MTUS2: variants seen among roughly 807,000 people sequenced by gnomAD.
MTUS2 encodes the protein microtubule-associated tumor suppressor candidate 2.
A neutral mutation model predicts 114.1 loss-of-function variants in MTUS2; 40 were observed. The ratio of observed to expected loss-of-function variants is 0.35; its 90% CI spans 0.27 to 0.46. MTUS2 has a LOEUF of 0.46. Ranked by LOEUF, MTUS2 falls within the 20% of genes least tolerant of loss-of-function variation. MTUS2 has a pLI of 1.00. For synonymous variants in MTUS2, 688 were observed against 672.0 expected, an observed-to-expected ratio of 1.02 and a Z score of -0.37; for missense variants, 1,679 against 1,705.4, an observed-to-expected ratio of 0.98 and a Z score of 0.27.
chr13:28,941,505 A>G (rs906487237), intron 2 of MTUS2, among the ~76,000 whole-genome samples: 1 of 152,102 alleles, frequency 6.6e-6, no homozygotes, highest in African/African-American at 2.4e-5. Flanking sequence ...AAAATTTGCA[A>G]AATTTGTCTT....
intron 2 of MTUS2, among the ~76,000 whole-genome samples, chr13:28,950,200 T>C (rs1258291109): frequency 6.6e-6 from 1 of 152,226 alleles, no homozygotes; most frequent in Non-Finnish European, 1.5e-5. Context: ...AAATGATTAG[T>C]GCTGTTCACC....
In MTUS2 at chr13:29,322,865, G is replaced by T. The variant is rs79891532; in HGVS notation, c.2807-1748G>T. ...GGGACAGTGACAGCAGTATGGCTGT[G>T]AGGTCATCTAGGGCTACACTATCTG... On this transcript the variant is annotated intron_variant, in intron 6 of 15. Transcript: ENST00000612955. 9.6e-3 allele frequency among the ~76,000 whole-genome samples: 1,459 copies of T among 152,300 alleles called. 13 individuals are homozygous for T. Among genetic ancestry groups the T allele is most frequent in the Non-Finnish European group, 0.013 (909 of 68,022 alleles).
intron 5 of MTUS2, among the ~76,000 whole-genome samples, chr13:29,281,352 A>T (rs528751176): frequency 1.3e-5 from 2 of 152,226 alleles, no homozygotes; most frequent in East Asian, 3.9e-4. Context: ...AGTGTTTATT[A>T]TATACACATA....
intron 5 of MTUS2, among the ~76,000 whole-genome samples, chr13:29,103,489 T>C (rs187092221): frequency 3.9e-5 from 6 of 152,368 alleles, no homozygotes; most frequent in Non-Finnish European, 8.8e-5. Context: ...AAAAATGCTG[T>C]TCCTGTATAG....
intron 9 of MTUS2, among the ~76,000 whole-genome samples, chr13:29,449,406 T>A (rs1487275624): frequency 2.6e-5 from 4 of 152,172 alleles, no homozygotes; most frequent in African/African-American, 9.7e-5. Context: ...CCAAAAAAAT[T>A]ATCTTCTGGT....
In MTUS2 at chr13:28,907,036, A is replaced by C. The variant is rs922818862; in HGVS notation, c.-243+67186A>C. Among the ~76,000 whole-genome samples, 11 of 151,696 alleles carry C rather than the reference A, an allele frequency of 7.3e-5. 1 individual carries two copies. The highest frequency in any genetic ancestry group is 2.4e-4 in the African/African-American group (10 of 41,116). ...GGTTACCCACAAAGGGAAGCCCATC[A>C]GGCTAACAGCAGATCTCTCGGCAGA... On this transcript the variant is annotated intron_variant, in intron 2 of 15. Coordinates refer to ENST00000612955, the MANE Select transcript of MTUS2 (RefSeq NM_001033602.4).
chr13:29,012,179 C>T (rs1885872986), intron 2 of MTUS2, among the ~76,000 whole-genome samples: 1 of 152,208 alleles, frequency 6.6e-6, no homozygotes, highest in Admixed American at 6.5e-5. Context: ...CAAGGACGTG[C>T]AGCTCAAGCG....
chr13:28,899,478 C>T (rs369447013), intron 2 of MTUS2, among the ~76,000 whole-genome samples: 4 of 152,276 alleles, frequency 2.6e-5, no homozygotes, highest in Non-Finnish European at 2.9e-5. Context: ...GGCGTGATCT[C>T]GGCTCATTGC....
At chr13:29,006,650 G>A (rs1419731412) in intron 2 of MTUS2, among the ~76,000 whole-genome samples, 1 of 152,110 alleles carries the variant, frequency 6.6e-6, no homozygotes, top group African/African-American at 2.4e-5. Context: ...ATCCTGAGAG[G>A]CCTGACAATA....
chr13:29,307,302 G>A, intron 6 of MTUS2: 1 of 670,866 alleles, frequency 1.5e-6, no homozygotes, highest in East Asian at 2.7e-5. Flanking sequence ...AAGGACTCAT[G>A]ACCACAGTCC....
intron 7 of MTUS2, among the ~76,000 whole-genome samples, chr13:29,330,175 G>T (rs1157103047): frequency 6.6e-6 from 1 of 152,120 alleles, no homozygotes; most frequent in Non-Finnish European, 1.5e-5. Flanking sequence ...TTGTGATTTT[G>T]ATTTGCATTT....
At chr13:29,371,228 CCT>C (rs1456328694) in intron 8 of MTUS2, among the ~76,000 whole-genome samples, 9 of 147,832 alleles carry the variant, frequency 6.1e-5, no homozygotes, top group African/African-American at 1.8e-4. Context: ...ACCCCCCCCC[CCT>C]TTTTTGAGAT....
At chr13:28,887,487 C>T (rs1253353766) in intron 2 of MTUS2, among the ~76,000 whole-genome samples, 1 of 152,158 alleles carries the variant, frequency 6.6e-6, no homozygotes, top group East Asian at 1.9e-4. Context: ...AGCAGACATT[C>T]CATAAATGGT....
At chr13:29,462,201 C>T (rs192535470) in intron 9 of MTUS2, among the ~76,000 whole-genome samples, 384 of 152,302 alleles carry the variant, frequency 2.5e-3, no homozygotes, top group Non-Finnish European at 2.9e-3. Flanking sequence ...TGGGGATCCT[C>T]TTTTGAGAAC....
chr13:29,428,598 TCCC>T, intron 8 of MTUS2: 1 of 155,460 alleles, frequency 6.4e-6, no homozygotes, highest in Non-Finnish European at 1.4e-5. Flanking sequence ...CCTTCCTGGC[TCCC>T]GCCCGCCCTC....
chr13:29,163,973 A>G (rs192755644), intron 5 of MTUS2, among the ~76,000 whole-genome samples: 252 of 152,224 alleles, frequency 1.7e-3, no homozygotes, highest in Admixed American at 3.3e-3. Context: ...CTTTTGCTAA[A>G]CGTCGCTGAA....
intron 2 of MTUS2, among the ~76,000 whole-genome samples, chr13:28,987,759 G>T (rs957776102): frequency 3.6e-5 from 5 of 137,722 alleles, no homozygotes; most frequent in African/African-American, 5.2e-5. Context: ...AAAATAACAT[G>T]TGTTTCCATA....
intron 2 of MTUS2, among the ~76,000 whole-genome samples, chr13:28,969,875 G>A (rs1409165507): frequency 2.6e-5 from 4 of 152,292 alleles, no homozygotes; most frequent in African/African-American, 9.6e-5. Context: ...CTGCCTCCTG[G>A]GTTCAAGCGA....
chr13:28,832,566 A>G (rs1874763959), intron 1 of MTUS2, among the ~76,000 whole-genome samples: 1 of 151,124 alleles, frequency 6.6e-6, no homozygotes, highest in Non-Finnish European at 1.5e-5. Context: ...CAGACCAACA[A>G]CCTAACTTTA....
Sources: gnomAD v4.1 joint callset for allele counts (sites outside exome capture counted in the v4.1 genomes callset) on GRCh38, gnomAD v4.1.1 for gene constraint, MANE v1.5 for transcripts, NCBI Gene and HGNC (gene_info 2026-07-23, HGNC 2026-07-21) for gene names.